The following AGBL1 variants were observed in gnomAD, a reference collection of about 807,000 sequenced individuals.
AGBL1 encodes AGBL carboxypeptidase 1, also known as cytosolic carboxypeptidase 4.
Under a neutral mutation model 118.9 loss-of-function variants are expected in AGBL1, and 130 were observed. The observed-to-expected ratio is 1.09, with a 90% confidence interval of 0.95 to 1.26. AGBL1 has a LOEUF of 1.26. AGBL1 is among the 50% of genes most tolerant of loss of function. The pLI is 0.00. For synonymous variants in AGBL1, 555 were observed against 478.9 expected (o/e 1.16, Z -2.08); for missense variants, 1,584 against 1,298.1 (o/e 1.22, Z -3.38).
At chr15:86,551,018 A>G (rs1225275881) in intron 20 of AGBL1, among the ~76,000 whole-genome samples, 1 of 152,090 alleles carries the variant, frequency 6.6e-6, no homozygotes, top group Non-Finnish European at 1.5e-5. Flanking sequence ...GGTAATTAGA[A>G]AATATCTTTA....
At chr15:86,525,938 T>C (rs1273415814) in intron 19 of AGBL1, among the ~76,000 whole-genome samples, 2 of 152,062 alleles carry the variant, frequency 1.3e-5, no homozygotes, top group African/African-American at 4.8e-5. Flanking sequence ...ACCTACAGAA[T>C]GGGAGAAAAT....
At chr15:87,005,632 C>G (rs998927188) in intron 24 of AGBL1, among the ~76,000 whole-genome samples, 5 of 152,108 alleles carry the variant, frequency 3.3e-5, no homozygotes, top group African/African-American at 1.2e-4. Context: ...GCCATGGGTT[C>G]GAACTTCCTC....
At chr15:86,845,453 C>G (rs2079304994) in intron 22 of AGBL1, among the ~76,000 whole-genome samples, 1 of 152,136 alleles carries the variant, frequency 6.6e-6, no homozygotes, top group African/African-American at 2.4e-5. Context: ...ATAAATCTCA[C>G]TTAGTCATGA....
At chr15:86,483,607 T>G (rs1333845975) in intron 18 of AGBL1, among the ~76,000 whole-genome samples, 2 of 152,082 alleles carry the variant, frequency 1.3e-5, no homozygotes, top group Admixed American at 6.6e-5. Flanking sequence ...TCATTCAGTT[T>G]CAGGCTTGCT....
At chr15:86,244,183 C>T (rs2078684453) in intron 6 of AGBL1, among the ~76,000 whole-genome samples, 1 of 152,024 alleles carries the variant, frequency 6.6e-6, no homozygotes, top group South Asian at 2.1e-4. Context: ...TAGGAAAACG[C>T]TGTTTATGTA....
intron 22 of AGBL1, among the ~76,000 whole-genome samples, chr15:86,840,153 C>G (rs556705592): frequency 6.6e-6 from 1 of 152,148 alleles, no homozygotes; most frequent in African/African-American, 2.4e-5. Context: ...ATTCTAAATT[C>G]CTTGGGTTCA....
intron 17 of AGBL1, among the ~76,000 whole-genome samples, chr15:86,388,635 A>G (rs766080241): frequency 2.9e-4 from 44 of 152,310 alleles, no homozygotes; most frequent in Non-Finnish European, 5.3e-4. Flanking sequence ...TTCCCTCACT[A>G]TATCATATTT....
chr15:86,555,448 C>A (rs1164214335), intron 21 of AGBL1, among the ~76,000 whole-genome samples: 2 of 152,254 alleles, frequency 1.3e-5, no homozygotes, highest in East Asian at 1.9e-4. Flanking sequence ...GTGTGACAGG[C>A]AATGCACATT....
chr15:86,122,518 G>A (rs550808018), intron 1 of AGBL1, among the ~76,000 whole-genome samples: 2 of 152,232 alleles, frequency 1.3e-5, no homozygotes, highest in African/African-American at 2.4e-5. Flanking sequence ...GATAAACCAA[G>A]TGAAGACATC....
At chr15:86,999,219 T>G (rs1317897137) in intron 24 of AGBL1, among the ~76,000 whole-genome samples, 1 of 150,980 alleles carries the variant, frequency 6.6e-6, no homozygotes, top group African/African-American at 2.4e-5. Flanking sequence ...AAAATTTTTA[T>G]ATATATATTT....
chr15:86,365,677 A>AT (rs141156913), intron 17 of AGBL1, among the ~76,000 whole-genome samples: 24,421 of 151,800 alleles, frequency 0.16, 2,224 homozygotes, highest in South Asian at 0.21. Context: ...CAAACCATTG[A>AT]TTTTTTTCTC....
chr15:86,658,760 A>G (rs886383814), intron 21 of AGBL1, among the ~76,000 whole-genome samples: 1 of 152,194 alleles, frequency 6.6e-6, no homozygotes, highest in African/African-American at 2.4e-5. Flanking sequence ...CCATAACCCC[A>G]TTAATAATTT....
At chr15:86,221,196 C>T (rs77662151) in intron 5 of AGBL1, among the ~76,000 whole-genome samples, 1 of 149,398 alleles carries the variant, frequency 6.7e-6, no homozygotes, top group Non-Finnish European at 1.5e-5. Flanking sequence ...AAAACTCCAT[C>T]AAAAAAAAAT....
intron 18 of AGBL1, among the ~76,000 whole-genome samples, chr15:86,425,566 A>G (rs2081856916): frequency 6.6e-6 from 1 of 152,174 alleles, no homozygotes; most frequent in South Asian, 2.1e-4. Context: ...ATTCCAGACT[A>G]TTAATAGAAA....
intron 22 of AGBL1, among the ~76,000 whole-genome samples, chr15:86,785,536 T>A (rs2078399461): frequency 6.6e-6 from 1 of 151,446 alleles, no homozygotes; most frequent in Admixed American, 6.6e-5. Context: ...CACCACTAAT[T>A]TTTGTATTTT....
intron 24 of AGBL1, among the ~76,000 whole-genome samples, chr15:86,991,134 C>CT (rs1279283164): frequency 6.6e-6 from 1 of 152,188 alleles, no homozygotes; most frequent in Admixed American, 6.5e-5. Flanking sequence ...AGTAGAGTGT[C>CT]TAGGATTCTC....
chr15:86,729,806 GGGTC>G (rs2077504212), intron 22 of AGBL1, among the ~76,000 whole-genome samples: 1 of 152,134 alleles, frequency 6.6e-6, no homozygotes, highest in South Asian at 2.1e-4. Context: ...TGGGATTGCT[GGGTC>G]AAATGGTAGC....
chr15:86,319,743 G>GTTTTTTTTTTTTTTTTTTTTTTT lies in AGBL1; in HGVS notation c.2374+24349_2374+24371dup, dbSNP rs139831044. On this transcript the variant is annotated intron_variant, in intron 17 of 22. Transcript: ENST00000614907. ...TGTACTTTGTTTTGCCTCTTTGGTA[G>GTTTTTTTTTTTTTTTTTTTTTTT]TTTTTTTTTTTTTTTTTTTTTTTTT... 4.2e-5 allele frequency among the ~76,000 whole-genome samples: 2 copies of GTTTTTTTTTTTTTTTTTTTTTTT among 47,254 alleles called. 1 individual carries two copies. Among genetic ancestry groups the GTTTTTTTTTTTTTTTTTTTTTTT allele is most frequent in the African/African-American group, 1.8e-4 (2 of 10,894 alleles). The allele number at this position is 47,254 out of a possible 152,430, so 31.0% of individuals were successfully genotyped here. A position where few individuals can be genotyped will look rare whatever the true frequency, so the allele number is the denominator to read the frequency against.
At chr15:86,985,922 CTTTTTTTTTT>C (rs57966049) in intron 23 of AGBL1, among the ~76,000 whole-genome samples, 6 of 149,834 alleles carry the variant, frequency 4.0e-5, no homozygotes, top group African/African-American at 2.5e-5. Flanking sequence ...GGATAGCAAT[CTTTTTTTTTT>C]TTTTTTTTTG....
Sources: gnomAD v4.1 joint callset for allele counts (sites outside exome capture counted in the v4.1 genomes callset) on GRCh38, gnomAD v4.1.1 for gene constraint, MANE v1.5 for transcripts, NCBI Gene and HGNC (gene_info 2026-07-23, HGNC 2026-07-21) for gene names.